Variants in DPP10 observed in about 807,000 individuals in gnomAD.
The protein encoded by DPP10 is inactive dipeptidyl peptidase 10.
Under a neutral mutation model 120.9 loss-of-function variants are expected in DPP10, and 33 were observed. The observed-to-expected ratio is 0.27, with a 90% CI of 0.21 to 0.37. DPP10 has a LOEUF of 0.37. Among genes scored for constraint, DPP10 ranks in the 10% least tolerant of loss-of-function variants. The pLI, the probability that DPP10 is intolerant of heterozygous loss-of-function variation, is 1.00. For synonymous variants in DPP10, 337 were observed against 326.1 expected (o/e 1.03, Z -0.36); for missense variants, 816 against 942.8 (o/e 0.87, Z 1.76).
chr2:115,514,452 CTT>C (rs1292811637), intron 4 of DPP10, among the ~76,000 whole-genome samples: 1 of 151,532 alleles, frequency 6.6e-6, no homozygotes, highest in Non-Finnish European at 1.5e-5. Flanking sequence ...ATATGTGTCT[CTT>C]AAAATAGTAA....
chr2:114,996,378 C>G (rs1328260740), intron 1 of DPP10, among the ~76,000 whole-genome samples: 1 of 152,088 alleles, frequency 6.6e-6, no homozygotes, highest in Admixed American at 6.5e-5. Context: ...GAGAGTATGT[C>G]TATTTAAAAG....
At chr2:114,707,301 C>T (rs1464914843) in intron 1 of DPP10, 1 of 151,476 alleles carries the variant, frequency 6.6e-6, no homozygotes, top group Non-Finnish European at 1.5e-5. Context: ...TAAGTGGACT[C>T]TTATCAGCCC....
intron 1 of DPP10, among the ~76,000 whole-genome samples, chr2:114,858,171 G>A (rs762927500): frequency 2.6e-4 from 40 of 152,078 alleles, no homozygotes; most frequent in Middle Eastern, 3.4e-3. Flanking sequence ...TTGTATTTTA[G>A]TAGAGGCAGG....
chr2:114,699,977 G>A (rs1700293560), intron 1 of DPP10, among the ~76,000 whole-genome samples: 1 of 152,098 alleles, frequency 6.6e-6, no homozygotes, highest in African/African-American at 2.4e-5. Context: ...ACCGTGAAAG[G>A]AGAGCCCCGT....
At chr2:115,633,276 T>C (rs1274254452) in intron 5 of DPP10, among the ~76,000 whole-genome samples, 2 of 152,124 alleles carry the variant, frequency 1.3e-5, no homozygotes, top group Non-Finnish European at 2.9e-5. Context: ...TTCATGTCCT[T>C]TGTAGGGACA....
At position 114,450,923 on chromosome 2, in the gene DPP10, T is replaced by G. The variant is rs74316824; in HGVS notation, c.60+8085T>G. Among the ~76,000 whole-genome samples, 1,296 of 152,132 alleles carry G rather than the reference T, an allele frequency of 8.5e-3. 6 individuals are homozygous for G. The highest frequency in any genetic ancestry group is 0.031 in the Middle Eastern group (9 of 294). On this transcript the variant is annotated intron_variant, in intron 1 of 25. Coordinates refer to ENST00000410059, the MANE Select transcript of DPP10 (RefSeq NM_020868.6). ...GGCACTCTAGTGAGGCTTTTTATAA[T>G]CAGAAACCTTAATTTCCAAGATGAA...
rs75946986 is a variant in DPP10, at chr2:114,709,245, T to G, written c.60+266407T>G. ...CCCTCTCTGAGTCTTAGGTGGCAGC[T>G]ACAGTGCTACATCTCTTCCGTGATC... On this transcript the variant is annotated intron_variant, in intron 1 of 25. Transcript: ENST00000410059. 6.7e-3 allele frequency among the ~76,000 whole-genome samples: 1,028 copies of G among 152,302 alleles called. 8 individuals are homozygous for G. The highest frequency in any genetic ancestry group is 0.023 in the African/African-American group (957 of 41,578).
At chr2:115,336,844 A>G (rs1301143813) in intron 2 of DPP10, among the ~76,000 whole-genome samples, 2 of 152,012 alleles carry the variant, frequency 1.3e-5, no homozygotes, top group African/African-American at 4.8e-5. Flanking sequence ...TTTCTGAGCC[A>G]CCTTCTCGTT....
intron 1 of DPP10, among the ~76,000 whole-genome samples, chr2:114,821,626 C>T (rs1258997870): frequency 3.3e-5 from 5 of 152,138 alleles, no homozygotes; most frequent in Non-Finnish European, 7.3e-5. Flanking sequence ...TCCCTTCCAC[C>T]TATGAGTCTA....
At chr2:114,893,055 T>C (rs1460663145) in intron 1 of DPP10, among the ~76,000 whole-genome samples, 1 of 152,226 alleles carries the variant, frequency 6.6e-6, no homozygotes, top group Non-Finnish European at 1.5e-5. Flanking sequence ...TAAAAATTCA[T>C]AATTCCATAG....
chr2:114,688,970 C>T (rs1330939170), intron 1 of DPP10, among the ~76,000 whole-genome samples: 1 of 151,584 alleles, frequency 6.6e-6, no homozygotes, highest in Admixed American at 6.6e-5. Flanking sequence ...CTGCATGTAT[C>T]CCGAGATGTC....
chr2:114,572,830 T>C (rs1007978879), intron 1 of DPP10, among the ~76,000 whole-genome samples: 7 of 152,248 alleles, frequency 4.6e-5, no homozygotes, highest in Non-Finnish European at 8.8e-5. Flanking sequence ...TGAGTGGTCA[T>C]GCTGAGATTC....
chr2:114,873,305 T>C (rs1449015443), intron 1 of DPP10, among the ~76,000 whole-genome samples: 1 of 152,108 alleles, frequency 6.6e-6, no homozygotes, highest in Non-Finnish European at 1.5e-5. Context: ...TGGCAGAGGA[T>C]ATTGAGGCAC....
intron 1 of DPP10, among the ~76,000 whole-genome samples, chr2:114,719,363 G>A (rs1289696900): frequency 6.6e-6 from 1 of 152,066 alleles, no homozygotes; most frequent in Admixed American, 6.6e-5. Flanking sequence ...ATTGTCACCT[G>A]GCACAAGATG....
chr2:114,694,730 T>G (rs1364419750), intron 1 of DPP10, among the ~76,000 whole-genome samples: 3 of 151,954 alleles, frequency 2.0e-5, no homozygotes, highest in African/African-American at 7.2e-5. Flanking sequence ...CTAAGCTAAT[T>G]GTTTACATAG....
At chr2:115,036,180 G>A (rs1573387162) in intron 1 of DPP10, among the ~76,000 whole-genome samples, 1 of 152,270 alleles carries the variant, frequency 6.6e-6, no homozygotes, top group African/African-American at 2.4e-5. Flanking sequence ...AGTGCAAAGA[G>A]AGGAAATGCC....
At chr2:115,597,056 C>T (rs1282191506) in intron 5 of DPP10, among the ~76,000 whole-genome samples, 1 of 152,148 alleles carries the variant, frequency 6.6e-6, no homozygotes, top group Non-Finnish European at 1.5e-5. Context: ...GAAGCAGGCA[C>T]AGCTGGAAGT....
At chr2:114,885,232 G>A (rs1691965270) in intron 1 of DPP10, among the ~76,000 whole-genome samples, 1 of 152,134 alleles carries the variant, frequency 6.6e-6, no homozygotes, top group South Asian at 2.1e-4. Context: ...AGCCAAAGGG[G>A]GAACAATCAT....
At chr2:115,743,528 C>T (rs1033786973) in intron 9 of DPP10, among the ~76,000 whole-genome samples, 5 of 152,148 alleles carry the variant, frequency 3.3e-5, no homozygotes, top group South Asian at 2.1e-4. Context: ...ATCAGTGTAT[C>T]TAATGATAAA....
Sources: allele counts gnomAD v4.1 joint callset (sites outside exome capture counted in the v4.1 genomes callset), GRCh38; gene constraint gnomAD v4.1.1; transcripts MANE v1.5; gene names NCBI Gene and HGNC (gene_info 2026-07-23, HGNC 2026-07-21).